CALN1: variants seen among roughly 807,000 people sequenced by gnomAD.
The protein encoded by CALN1 is calneuron 1, also known as calcium-binding protein 8.
CALN1 carries 17 observed loss-of-function variants against 30.6 expected under a neutral mutation model. The observed-to-expected ratio is 0.56, with a 90% CI of 0.38 to 0.83. The LOEUF (loss-of-function observed/expected upper bound fraction) is 0.83, where lower values mean the gene tolerates loss of function less well. Ranked by LOEUF, CALN1 falls within the 40% of genes least tolerant of loss-of-function variation. CALN1 has a pLI of 0.00. For synonymous variants in CALN1, 156 were observed against 131.4 expected (o/e 1.19, Z -1.28); for missense variants, 291 against 354.9 (o/e 0.82, Z 1.45).
intron 2 of CALN1, among the ~76,000 whole-genome samples, chr7:72,306,152 A>C (rs1799634597): frequency 1.3e-5 from 2 of 152,196 alleles, no homozygotes; most frequent in African/African-American, 4.8e-5. Context: ...TGACAAGACA[A>C]GGAAGAAAAT....
intron 3 of CALN1, among the ~76,000 whole-genome samples, chr7:72,200,622 T>A (rs1791351078): frequency 6.6e-6 from 1 of 151,914 alleles, no homozygotes; most frequent in Non-Finnish European, 1.5e-5. Context: ...AAAGCCCAGG[T>A]TCTACCAGTG....
intron 5 of CALN1, among the ~76,000 whole-genome samples, chr7:71,877,637 TAA>T (rs201964687): frequency 9.2e-5 from 13 of 141,834 alleles, no homozygotes; most frequent in African/African-American, 3.4e-4. Flanking sequence ...AAGACCTTTA[TAA>T]AAAAAAAACG....
Position 72,075,180 on chromosome 7 carries a change from T to C in CALN1, c.388+30971A>G, listed in dbSNP as rs145788546. Among the ~76,000 whole-genome samples the C allele has an allele frequency of 9.8e-5, 15 of 152,294 alleles. No individual in the cohort carries two copies. The East Asian group carries it at 2.9e-3, about 30-fold the overall frequency. ...AGGGGACGGTCAGCCCTTTGTTCAG[T>C]TCAGAACTTCAACTGGTAAGATGAG... On this transcript the variant is annotated intron_variant, in intron 4 of 6. Transcript: ENST00000395275.
intron 3 of CALN1, among the ~76,000 whole-genome samples, chr7:72,230,604 A>G (rs1794029022): frequency 6.6e-6 from 1 of 152,112 alleles, no homozygotes; most frequent in South Asian, 2.1e-4. Context: ...AAGAGGAGAT[A>G]TGAGCTAAGG....
chr7:72,024,738 G>A (rs1335000570), intron 4 of CALN1, among the ~76,000 whole-genome samples: 3 of 151,964 alleles, frequency 2.0e-5, no homozygotes, highest in Non-Finnish European at 2.9e-5. Context: ...TACCACCTCA[G>A]CATAGTGTTC....
the CALN1 span, among the ~76,000 whole-genome samples, chr7:72,487,734 A>G: frequency 7.1e-3 from 399 of 56,346 alleles, 5 homozygotes; most frequent in Middle Eastern, 9.4e-3. Context: ...AGAAAGAAAG[A>G]AAGGAAGGAA....
chr7:72,391,719 GTTTT>G (rs1186371799), intron 2 of CALN1, among the ~76,000 whole-genome samples: 1 of 150,096 alleles, frequency 6.7e-6, no homozygotes, highest in Non-Finnish European at 1.5e-5. Flanking sequence ...TTTGTTTTTT[GTTTT>G]TGTTTTTGTT....
In CALN1 at chr7:72,219,091, A is replaced by G. The variant is rs143274469; in HGVS notation, c.244+59595T>C. Reference sequence around the variant, plus strand: ...CAACATGCATTTTTTGGGAATATGTATTCATTAAATAAGCACTCAGCCATT... The same window carrying G: ...CAACATGCATTTTTTGGGAATATGTGTTCATTAAATAAGCACTCAGCCATT... On this transcript the variant is annotated intron_variant, in intron 3 of 6. Transcript: ENST00000395275. Among the ~76,000 whole-genome samples the G allele has an allele frequency of 5.1e-3, 784 of 152,334 alleles. 9 individuals are homozygous for G. Among genetic ancestry groups the G allele is most frequent in the Middle Eastern group, 0.01 (3 of 294 alleles).
intron 3 of CALN1, among the ~76,000 whole-genome samples, chr7:72,129,301 T>A (rs1165132249): frequency 1.3e-5 from 2 of 152,180 alleles, no homozygotes; most frequent in Non-Finnish European, 2.9e-5. Context: ...ATAAATTCTT[T>A]GACGTGCAAT....
chr7:72,125,473 G>A (rs1176964472), intron 3 of CALN1, among the ~76,000 whole-genome samples: 1 of 152,166 alleles, frequency 6.6e-6, no homozygotes, highest in Non-Finnish European at 1.5e-5. Flanking sequence ...CAGACGATGG[G>A]CACTTTGTAA....
At chr7:72,252,846 A>G (rs1316417921) in intron 3 of CALN1, among the ~76,000 whole-genome samples, 1 of 152,216 alleles carries the variant, frequency 6.6e-6, no homozygotes. Flanking sequence ...CTCTGTGGGA[A>G]TTCTACTTTG....
chr7:72,313,853 C>G (rs11978381), intron 2 of CALN1, among the ~76,000 whole-genome samples: 1 of 152,064 alleles, frequency 6.6e-6, no homozygotes, highest in Non-Finnish European at 1.5e-5. Flanking sequence ...TACAAGGAAA[C>G]AGAGGAAGGG....
At chr7:72,252,081 C>T (rs1795599222) in intron 3 of CALN1, among the ~76,000 whole-genome samples, 2 of 152,214 alleles carry the variant, frequency 1.3e-5, no homozygotes, top group South Asian at 4.2e-4. Context: ...TTTGTAATGG[C>T]CTATTCAGAA....
At chr7:72,039,785 G>A (rs1802014687) in intron 4 of CALN1, among the ~76,000 whole-genome samples, 1 of 152,128 alleles carries the variant, frequency 6.6e-6, no homozygotes, top group Non-Finnish European at 1.5e-5. Flanking sequence ...AAACCTCTGG[G>A]CTTCTGAAGG....
chr7:71,798,051 GAGAGAGAGACAGAGAGAGAGAGAGAGAC>G (rs1425874706), intron 6 of CALN1, among the ~76,000 whole-genome samples: 3 of 150,006 alleles, frequency 2.0e-5, no homozygotes, highest in Non-Finnish European at 4.4e-5. Context: ...GAGCAGGCAA[GAGAGAGAGACAGAGAGAGAGAGAGAGAC>G]AGAGAGAGAC....
In CALN1 at chr7:71,787,519, G is replaced by T; in HGVS notation, c.*256C>A. ...GACTGATGGTTGAAGCAATAATTTG[G>T]AAATCCTGGCGATTTATTGCATTAG... On this transcript the variant is annotated 3_prime_UTR_variant, in exon 7 of 7. Coordinates refer to ENST00000395275, the MANE Select transcript of CALN1 (RefSeq NM_031468.4). 1 of 404,404 alleles carries T rather than the reference G, an allele frequency of 2.5e-6. No individual in the cohort carries two copies. The highest frequency in any genetic ancestry group is 4.3e-5 in the South Asian group (1 of 23,054). 25.1% of individuals were successfully genotyped at this position (404,404 alleles called of 1,614,324 possible).
intron 1 of CALN1, among the ~76,000 whole-genome samples, chr7:72,409,525 G>C (rs928460776): frequency 1.4e-4 from 21 of 148,642 alleles, no homozygotes; most frequent in South Asian, 2.3e-4. Flanking sequence ...TTATTTCAGC[G>C]TCTGTGGCCT....
chr7:72,331,394 A>C (rs1460987649), intron 2 of CALN1, among the ~76,000 whole-genome samples: 1 of 152,142 alleles, frequency 6.6e-6, no homozygotes, highest in African/African-American at 2.4e-5. Flanking sequence ...GGAGGAAAAC[A>C]GTCTCTCCCA....
chr7:72,421,029 G>A (rs1807591783), intron 1 of CALN1, among the ~76,000 whole-genome samples: 1 of 152,114 alleles, frequency 6.6e-6, no homozygotes, highest in Admixed American at 6.6e-5. Flanking sequence ...AGAAACCCGG[G>A]CAGGTTCTTA....
Sources: allele counts gnomAD v4.1 joint callset (sites outside exome capture counted in the v4.1 genomes callset), GRCh38; gene constraint gnomAD v4.1.1; transcripts MANE v1.5; gene names NCBI Gene and HGNC (gene_info 2026-07-23, HGNC 2026-07-21).